Variants in CDH1 observed in about 807,000 individuals in gnomAD.
The protein encoded by CDH1 is cadherin 1.
CDH1 carries 35 observed loss-of-function variants against 84.5 expected under a neutral mutation model. The ratio of observed to expected loss-of-function variants is 0.41; its 90% CI spans 0.32 to 0.55. The LOEUF (loss-of-function observed/expected upper bound fraction) is 0.55, where lower values mean the gene tolerates loss of function less well. Ranked by LOEUF, CDH1 falls within the 20% of genes least tolerant of loss-of-function variation. CDH1 has a pLI of 0.19. For synonymous variants in CDH1, 417 were observed against 439.0 expected, an observed-to-expected ratio of 0.95 and a Z score of 0.63; for missense variants, 994 against 1,126.6, an observed-to-expected ratio of 0.88 and a Z score of 1.68.
chr16:68,760,561 C>A (rs1963140965), intron 2 of CDH1, among the ~76,000 whole-genome samples: 1 of 152,106 alleles, frequency 6.6e-6, no homozygotes, highest in Admixed American at 6.6e-5. Flanking sequence ...GTTTCTCCCC[C>A]ATTCTTTCTC....
At position 68,819,267 on chromosome 16, in the gene CDH1, T is replaced by C. The variant is rs768307928; in HGVS notation, c.1566-13T>C. 3.1e-6 allele frequency: 5 copies of C among 1,614,204 alleles called. No homozygotes were observed. In the Admixed American group the frequency reaches 5.0e-5, roughly 16 times the overall value. On this transcript the variant is annotated splice_polypyrimidine_tract_variant and intron_variant, in intron 10 of 15. Transcript: ENST00000261769. Reference sequence around the variant, plus strand: ...TGGTCCTATTCTAAAAGCCAGAGCTTGTCCCCGTTCAGATATCGGATTTGG... The same window carrying C: ...TGGTCCTATTCTAAAAGCCAGAGCTCGTCCCCGTTCAGATATCGGATTTGG...
At chr16:68,767,063 A>G (rs1157217675) in intron 2 of CDH1, among the ~76,000 whole-genome samples, 3 of 152,034 alleles carry the variant, frequency 2.0e-5, no homozygotes, top group African/African-American at 7.3e-5. Flanking sequence ...TGAGACCCAG[A>G]GAAGTTCATT....
chr16:68,779,663 C>G (rs1234169436), intron 2 of CDH1, among the ~76,000 whole-genome samples: 1 of 152,180 alleles, frequency 6.6e-6, no homozygotes, highest in Admixed American at 6.6e-5. Context: ...TCGAGACCAT[C>G]CTGGCCAACA....
chr16:68,810,320 G>T lies in CDH1; in HGVS notation c.811G>T (p.Val271Phe), dbSNP rs2152131174. ...EFTQEVFKGSVMEGALPGTSV... is the reference protein window; with the variant it reads ...EFTQEVFKGSFMEGALPGTSV... ...CACCCAGGAGGTCTTTAAGGGGTCT[G>T]TCATGGAAGGTGCTCTTCCAGGTAT... Residue 271 changes from valine to phenylalanine, a missense_variant, in exon 6 of 16, where the codon GTC becomes TTC. Val to Phe is a conservative substitution (Grantham distance 50). Transcript: ENST00000261769. The T allele has an allele frequency of 3.1e-6, 5 of 1,614,096 alleles. No individual in the cohort carries two copies. The highest frequency in any genetic ancestry group is 4.2e-6 in the Non-Finnish European group (5 of 1,179,946).
chr16:68,822,224 A>G lies in CDH1; in HGVS notation c.1935A>G (p.Pro645=). ...SANWTIQYND[P]TQESIILKPK... ...ACTGGACCATTCAGTACAACGACCCAAGTGGGTACCTGAGTTTTATTTTGG... is the reference window on the plus strand; with the variant it reads ...ACTGGACCATTCAGTACAACGACCCGAGTGGGTACCTGAGTTTTATTTTGG... The change falls in exon 12 of 16, where the codon CCA becomes CCG. Residue 645 remains proline, a splice_region_variant and synonymous_variant. Coordinates refer to ENST00000261769, the MANE Select transcript of CDH1 (RefSeq NM_004360.5). The G allele has an allele frequency of 6.2e-7, 1 of 1,612,424 alleles. No individual in the cohort carries two copies. Among genetic ancestry groups the G allele is most frequent in the Non-Finnish European group, 8.5e-7 (1 of 1,178,458 alleles).
At chr16:68,786,362 G>A (rs1960044694) in intron 2 of CDH1, among the ~76,000 whole-genome samples, 1 of 151,724 alleles carries the variant, frequency 6.6e-6, no homozygotes, top group Non-Finnish European at 1.5e-5. Context: ...AGTAGAGACA[G>A]GGTTTCACCA....
At chr16:68,795,676 A>G (rs1319839695) in intron 2 of CDH1, among the ~76,000 whole-genome samples, 3 of 151,522 alleles carry the variant, frequency 2.0e-5, no homozygotes, top group Non-Finnish European at 2.9e-5. Context: ...TTGTATTTTC[A>G]GTAGAGACGG....
chr16:68,772,287 A>G (rs1357932497), intron 2 of CDH1, among the ~76,000 whole-genome samples: 3 of 152,186 alleles, frequency 2.0e-5, no homozygotes, highest in Non-Finnish European at 2.9e-5. Context: ...CGTGCCATGC[A>G]TGGAAGGGCG....
At chr16:68,777,315 C>A (rs936042060) in intron 2 of CDH1, among the ~76,000 whole-genome samples, 2 of 152,168 alleles carry the variant, frequency 1.3e-5, no homozygotes, top group African/African-American at 4.8e-5. Context: ...AGTTACTCAA[C>A]CCTCATATGC....
chr16:68,752,660 C>T (rs8049964), intron 2 of CDH1, among the ~76,000 whole-genome samples: 37 of 152,096 alleles, frequency 2.4e-4, no homozygotes, highest in African/African-American at 3.4e-4. Flanking sequence ...GTTCTCAGGG[C>T]GTGTGCCTCT....
rs1057520564 is a variant in CDH1 at position 68,811,874 on chromosome 16, G to A, written c.1008+15G>A. 6.2e-7 allele frequency: 1 copy of A among 1,613,720 alleles called. No homozygotes were observed. The highest frequency in any genetic ancestry group is 1.1e-5 in the South Asian group (1 of 91,062). On this transcript the variant is annotated intron_variant, in intron 7 of 15. Transcript: ENST00000261769. Reference sequence around the variant, plus strand: ...TGGACCGAGAGGTCAGGGGTCAGGAGGATCCAGAGGGTGTGGAGGACAAAT... The same window carrying A: ...TGGACCGAGAGGTCAGGGGTCAGGAAGATCCAGAGGGTGTGGAGGACAAAT...
chr16:68,821,934 TG>T, intron 11 of CDH1, 66 bp from the exon 12 acceptor site: 1 of 1,242,514 alleles, frequency 8.0e-7, no homozygotes, highest in Non-Finnish European at 1.2e-6. Flanking sequence ...AGACTTGGTC[TG>T]GTGGAAGGCA....
Position 68,833,392 on chromosome 16 carries a change from C to T in CDH1, c.2542C>T (p.Leu848=), listed in dbSNP as rs1567517746. 3 of 1,614,000 alleles carry T rather than the reference C, an allele frequency of 1.9e-6. No individual in the cohort carries two copies. Among genetic ancestry groups the T allele is most frequent in the African/African-American group, 2.7e-5 (2 of 74,922 alleles). Residue 848 remains leucine, a synonymous_variant, in exon 16 of 16, where the codon CTG becomes TTG. Transcript: ENST00000261769. The stretch of plus-strand genomic sequence containing the variant: ...TTCCGAAGCTGCTAGTCTGAGCTCC[C>T]TGAACTCCTCAGAGTCAGACAAAGA... ...SGSEAASLSS[L]NSSESDKDQD...
intron 2 of CDH1, among the ~76,000 whole-genome samples, chr16:68,772,251 A>G (rs1959598983): frequency 6.6e-6 from 1 of 152,230 alleles, no homozygotes; most frequent in African/African-American, 2.4e-5. Flanking sequence ...CCTAGCAGAC[A>G]GGGACACTGC....
intron 2 of CDH1, among the ~76,000 whole-genome samples, chr16:68,783,183 G>A (rs1033443934): frequency 1.3e-5 from 2 of 151,920 alleles, no homozygotes; most frequent in Non-Finnish European, 2.9e-5. Context: ...GATATCCTGA[G>A]CTCAGGAGTT....
intron 9 of CDH1, 46 bp from the exon 10 acceptor site, chr16:68,815,469 C>T (rs770695108): frequency 8.1e-6 from 13 of 1,612,938 alleles, no homozygotes; most frequent in African/African-American, 2.7e-5. Flanking sequence ...TTTACTAACA[C>T]AAAATGTTTC....
rs865838543 is a variant in CDH1 at position 68,738,314 on chromosome 16, C to T, written c.66C>T (p.Cys22=). 1 of 1,550,642 alleles carries T rather than the reference C, an allele frequency of 6.4e-7. No individual in the cohort carries two copies. The highest frequency in any genetic ancestry group is 2.0e-5 in the Admixed American group (1 of 50,996). Residue 22 remains cysteine, a synonymous_variant, in exon 2 of 16, where the codon TGC becomes TGT. Transcript: ENST00000261769. ...LLLLQVSSWL[C]QEPEPCHPGF... is the part of the protein sequence containing the mutation. The stretch of plus-strand genomic sequence containing the variant: ...CACCCCAGGTCTCCTCTTGGCTCTG[C>T]CAGGAGCCGGAGCCCTGCCACCCTG...
At chr16:68,796,559 G>C (rs1364588718) in intron 2 of CDH1, among the ~76,000 whole-genome samples, 2 of 152,150 alleles carry the variant, frequency 1.3e-5, no homozygotes, top group Non-Finnish European at 2.9e-5. Context: ...TGAATGCTCA[G>C]AGCCTGCCCC....
rs79271824 is a variant in CDH1 at position 68,774,752 on chromosome 16, A to G, written c.164-26918A>G. Among the ~76,000 whole-genome samples the G allele has an allele frequency of 4.1e-3, 626 of 152,302 alleles. 5 individuals carry two copies. Among genetic ancestry groups the G allele is most frequent in the African/African-American group, 0.015 (610 of 41,582 alleles). On this transcript the variant is annotated intron_variant, in intron 2 of 15. Coordinates refer to ENST00000261769, the MANE Select transcript of CDH1 (RefSeq NM_004360.5). ...GAGGGTGGGCACTGGGGAGGACACCAGGAGGCTCAGAGCAAAGGCTACTCA... is the reference window on the plus strand; with the variant it reads ...GAGGGTGGGCACTGGGGAGGACACCGGGAGGCTCAGAGCAAAGGCTACTCA...
Sources: gnomAD v4.1 joint callset for allele counts (sites outside exome capture counted in the v4.1 genomes callset) on GRCh38, gnomAD v4.1.1 for gene constraint, MANE v1.5 for transcripts, NCBI Gene and HGNC (gene_info 2026-07-23, HGNC 2026-07-21) for gene names.